CTNNA3: variants seen among roughly 807,000 people sequenced by gnomAD.
CTNNA3 encodes catenin alpha-3.
CTNNA3 carries 76 observed loss-of-function variants against 95.7 expected under a neutral mutation model. The ratio of observed to expected loss-of-function variants is 0.79; its 90% confidence interval spans 0.66 to 0.96. CTNNA3 has a LOEUF of 0.96. Among genes scored for constraint, CTNNA3 ranks in the 40% least tolerant of loss-of-function variants. CTNNA3 has a pLI of 0.00. For synonymous variants in CTNNA3, 431 were observed against 374.4 expected, an observed-to-expected ratio of 1.15 and a Z score of -1.74; for missense variants, 1,191 against 1,089.8, an observed-to-expected ratio of 1.09 and a Z score of -1.31.
At chr10:66,876,792 G>A (rs755073243) in intron 7 of CTNNA3, among the ~76,000 whole-genome samples, 3 of 151,834 alleles carry the variant, frequency 2.0e-5, no homozygotes, top group Non-Finnish European at 2.9e-5. Context: ...AGGAACAAGA[G>A]GAAAAAGACA....
At chr10:67,437,964 TA>T (rs1846361873) in intron 5 of CTNNA3, among the ~76,000 whole-genome samples, 1 of 151,686 alleles carries the variant, frequency 6.6e-6, no homozygotes, top group Admixed American at 6.6e-5. Flanking sequence ...AATTTTGGTA[TA>T]AAAATGGTAG....
At chr10:66,676,837 C>T (rs1846874137) in intron 9 of CTNNA3, among the ~76,000 whole-genome samples, 1 of 152,022 alleles carries the variant, frequency 6.6e-6, no homozygotes, top group African/African-American at 2.4e-5. Context: ...ACAGGCTGGC[C>T]CACATGCCTT....
intron 5 of CTNNA3, among the ~76,000 whole-genome samples, chr10:67,501,209 C>T (rs2133103383): frequency 6.6e-6 from 1 of 152,254 alleles, no homozygotes; most frequent in Non-Finnish European, 1.5e-5. Flanking sequence ...TTTTATTTCT[C>T]CTTCACTGAT....
intron 13 of CTNNA3, among the ~76,000 whole-genome samples, chr10:66,193,569 A>C (rs945671458): frequency 6.6e-6 from 1 of 152,214 alleles, no homozygotes; most frequent in Non-Finnish European, 1.5e-5. Context: ...TTTTCACCTC[A>C]GAAATTATCA....
chr10:66,509,427 C>T (rs72793612), intron 11 of CTNNA3, among the ~76,000 whole-genome samples: 23,176 of 151,878 alleles, frequency 0.15, 1,844 homozygotes, highest in Non-Finnish European at 0.17. Flanking sequence ...GTGGTCTTAA[C>T]CATAAAGTCT....
At chr10:67,700,646 C>A (rs1199420010), upstream of CTNNA3, among the ~76,000 whole-genome samples, 1 of 152,056 alleles carries the variant, frequency 6.6e-6, no homozygotes, top group Non-Finnish European at 1.5e-5. Context: ...CATCAAACAC[C>A]AAAAGTAGAT....
Position 66,775,516 on chromosome 10 carries a change from T to C in CTNNA3, c.1056A>G (p.Lys352=), listed in dbSNP as rs868833898. The change falls in exon 8 of 18, where the codon AAA becomes AAG. Residue 352 remains lysine, a synonymous_variant. Transcript: ENST00000433211. ...LLSEYMNNAG[K]KERSNTLNIA... ...TATTCAGGGTATTACTCCTTTCTTT[T>C]TTTCCAGCCTGCAAAGAAGAAAAAA... 8 of 1,608,628 alleles carry C rather than the reference T, an allele frequency of 5.0e-6. No homozygotes were observed. The South Asian group carries it at 6.7e-5, about 13-fold the overall frequency.
intron 17 of CTNNA3, among the ~76,000 whole-genome samples, chr10:65,931,773 T>C (rs1193228427): frequency 6.6e-6 from 1 of 152,224 alleles, no homozygotes; most frequent in Non-Finnish European, 1.5e-5. Context: ...AGAGTCTTTC[T>C]ATAGATCAGC....
chr10:66,146,366 CTGAG>C (rs751829230), intron 13 of CTNNA3, among the ~76,000 whole-genome samples: 31 of 152,088 alleles, frequency 2.0e-4, no homozygotes, highest in Non-Finnish European at 4.4e-4. Context: ...CTGGTTTACA[CTGAG>C]TAATAGATAC....
intron 1 of CTNNA3, among the ~76,000 whole-genome samples, chr10:67,685,466 G>C (rs201490545): frequency 4.6e-5 from 7 of 152,108 alleles, no homozygotes; most frequent in African/African-American, 9.7e-5. Flanking sequence ...ACCATCTATC[G>C]TCCTGTCCTG....
chr10:66,091,333 A>G (rs1165635216), intron 14 of CTNNA3, among the ~76,000 whole-genome samples: 1 of 151,902 alleles, frequency 6.6e-6, no homozygotes, highest in South Asian at 2.1e-4. Flanking sequence ...GAGCTACCCT[A>G]TTTATTCTGT....
chr10:66,238,957 G>A lies in CTNNA3; in HGVS notation c.1884+41513C>T, dbSNP rs569603017. Among the ~76,000 whole-genome samples, 75 of 151,866 alleles carry A rather than the reference G, an allele frequency of 4.9e-4. 1 individual carries two copies. Among genetic ancestry groups the A allele is most frequent in the African/African-American group, 1.7e-3 (72 of 41,496 alleles). ...GGTTTGTATTTATGAGGAGGTTATA[G>A]TTAATGGAGAATCAACAAAGAAACT... On this transcript the variant is annotated intron_variant, in intron 13 of 17. Transcript: ENST00000433211.
chr10:66,525,272 A>G (rs1328775510), intron 10 of CTNNA3, among the ~76,000 whole-genome samples: 2 of 152,096 alleles, frequency 1.3e-5, no homozygotes, highest in Non-Finnish European at 2.9e-5. Flanking sequence ...TTACAAGGCC[A>G]CAGAAATGCT....
intron 14 of CTNNA3, among the ~76,000 whole-genome samples, chr10:66,072,273 AG>A: frequency 6.6e-6 from 1 of 152,328 alleles, no homozygotes; most frequent in East Asian, 1.9e-4. Context: ...GTACAAAAGC[AG>A]GCAGCAGGCC....
At chr10:65,920,750 C>A in intron 17 of CTNNA3, 133 bp from the exon 18 acceptor site, 1 of 944,694 alleles carries the variant, frequency 1.1e-6, no homozygotes, top group East Asian at 2.6e-5. Context: ...CACTTGAGCC[C>A]AGGAGGCAAA....
rs560779730 is a variant in CTNNA3, at chr10:65,927,773, A to G, written c.2401-7156T>C. On this transcript the variant is annotated intron_variant, in intron 17 of 17. Transcript: ENST00000433211. ...GTTGTTATGGCATTATTGTACAACTATTTTGTATTGTATGTTTTTATTTCT... is the reference window on the plus strand; with the variant it reads ...GTTGTTATGGCATTATTGTACAACTGTTTTGTATTGTATGTTTTTATTTCT... Among the ~76,000 whole-genome samples, 25 of 152,266 alleles carry G rather than the reference A, an allele frequency of 1.6e-4. No homozygotes were observed. The South Asian group carries it at 2.5e-3, about 15-fold the overall frequency.
rs59585958 is a variant in CTNNA3, at chr10:66,199,765, CTATATATATATATATA to C, written c.1884+80689_1884+80704del. On this transcript the variant is annotated intron_variant, in intron 13 of 17. Coordinates refer to ENST00000433211, the MANE Select transcript of CTNNA3 (RefSeq NM_013266.4). The stretch of plus-strand genomic sequence containing the variant: ...TACAGGCGTGTGCCACCACGCCTGG[CTATATATATATATATA>C]TATATATATATATATATATATATAT... 2.5e-3 allele frequency among the ~76,000 whole-genome samples: 77 copies of C among 30,694 alleles called. 1 individual carries two copies. Among genetic ancestry groups the C allele is most frequent in the East Asian group, 0.015 (23 of 1,568 alleles). 20.1% of individuals were successfully genotyped at this position (30,694 alleles called of 152,430 possible).
chr10:67,481,429 G>A (rs894759377), intron 5 of CTNNA3, among the ~76,000 whole-genome samples: 1 of 152,144 alleles, frequency 6.6e-6, no homozygotes, highest in Non-Finnish European at 1.5e-5. Context: ...CTTCAGTAAA[G>A]TGTCAGGATA....
chr10:66,510,787 T>C (rs1478417853), intron 11 of CTNNA3, among the ~76,000 whole-genome samples: 1 of 151,906 alleles, frequency 6.6e-6, no homozygotes, highest in African/African-American at 2.4e-5. Context: ...TTGGGTTCTA[T>C]TTTCTAGTAT....
Sources: allele counts gnomAD v4.1 joint callset (sites outside exome capture counted in the v4.1 genomes callset), GRCh38; gene constraint gnomAD v4.1.1; transcripts MANE v1.5; gene names NCBI Gene and HGNC (gene_info 2026-07-23, HGNC 2026-07-21).